DOCK11: variants seen among roughly 807,000 people sequenced by gnomAD.
The protein encoded by DOCK11 is dedicator of cytokinesis 11.
DOCK11 carries 70 observed loss-of-function variants against 169.1 expected under a neutral mutation model. The observed-to-expected ratio is 0.41, with a 90% CI of 0.34 to 0.51. The LOEUF (loss-of-function observed/expected upper bound fraction) is 0.51, where lower values mean the gene tolerates loss of function less well. DOCK11 is among the 20% of genes least tolerant of loss of function. The probability of loss-of-function intolerance (pLI) is 0.10; values close to 1 mark genes in which losing one functional copy is unlikely to be tolerated. For synonymous variants in DOCK11, 529 were observed against 541.3 expected, an observed-to-expected ratio of 0.98 and a Z score of 0.32; for missense variants, 1,166 against 1,538.8, an observed-to-expected ratio of 0.76 and a Z score of 4.05.
chrX:118,538,213 G>A (rs1480101611), intron 1 of DOCK11, among the ~76,000 whole-genome samples: 1 of 111,960 alleles, frequency 8.9e-6, no homozygotes, highest in East Asian at 2.8e-4. Flanking sequence ...GAAACTAATA[G>A]AAACAAGGAT....
intron 35 of DOCK11, among the ~76,000 whole-genome samples, chrX:118,631,994 G>A (rs951787434): frequency 1.8e-5 from 2 of 111,087 alleles, no homozygotes; most frequent in African/African-American, 6.6e-5. Context: ...TCACTCTGTC[G>A]CCTAGGCTGG....
chrX:118,528,030 G>A (rs1367520668), intron 1 of DOCK11, among the ~76,000 whole-genome samples: 1 of 112,665 alleles, frequency 8.9e-6, no homozygotes, highest in African/African-American at 3.2e-5. Flanking sequence ...TCATTGTGGA[G>A]GCATCTGATT....
chrX:118,545,906 G>A, intron 5 of DOCK11, 115 bp from the exon 6 acceptor site: 2 of 492,674 alleles, frequency 4.1e-6, no homozygotes, highest in Admixed American at 3.3e-5. Flanking sequence ...GGGGAAGAGG[G>A]GACTTTATGT....
chrX:118,552,624 A>G (rs1360891132), intron 6 of DOCK11, among the ~76,000 whole-genome samples: 1 of 112,490 alleles, frequency 8.9e-6, no homozygotes, highest in Non-Finnish European at 1.9e-5. Flanking sequence ...GGACTACAGG[A>G]AAGCTGCGAA....
chrX:118,607,213 T>C (rs1361636304), intron 24 of DOCK11, among the ~76,000 whole-genome samples: 2 of 97,243 alleles, frequency 2.1e-5, no homozygotes, highest in African/African-American at 3.9e-5. Context: ...CCTCCTGGGG[T>C]TCAAGCAATT....
intron 14 of DOCK11, among the ~76,000 whole-genome samples, chrX:118,581,805 T>TAA (rs35095116): frequency 0.07 from 897 of 12,743 alleles, 185 homozygotes; most frequent in Non-Finnish European, 0.077. Context: ...CTCCGTCTCC[T>TAA]AAAAAAAAAA....
intron 34 of DOCK11, 120 bp downstream of exon 34, chrX:118,628,392 C>G: frequency 2.3e-6 from 1 of 429,902 alleles, no homozygotes; most frequent in Admixed American, 4.0e-5. Context: ...CGAAAAGCAT[C>G]CCATAATTCT....
chrX:118,561,216 T>C (rs188302413), intron 6 of DOCK11, among the ~76,000 whole-genome samples, 167 bp from the exon 7 acceptor site: 107 of 112,175 alleles, frequency 9.5e-4, no homozygotes, highest in Admixed American at 3.7e-3. Flanking sequence ...TCATTCACTA[T>C]CTTAGAAAAA....
chrX:118,614,986 T>C (rs1291680537), intron 29 of DOCK11, among the ~76,000 whole-genome samples: 3 of 112,095 alleles, frequency 2.7e-5, no homozygotes, highest in Admixed American at 9.5e-5. Flanking sequence ...ATTCACAGAC[T>C]CAACATATAG....
chrX:118,663,011 C>A (rs907318640), intron 45 of DOCK11, among the ~76,000 whole-genome samples: 2 of 112,123 alleles, frequency 1.8e-5, no homozygotes, highest in Non-Finnish European at 3.8e-5. Flanking sequence ...CATTTGCCGT[C>A]CTCAAGTCAC....
chrX:118,597,849 G>C (rs762501429), intron 21 of DOCK11, among the ~76,000 whole-genome samples, 181 bp from the exon 22 acceptor site: 1 of 111,656 alleles, frequency 9.0e-6, no homozygotes, highest in African/African-American at 3.3e-5. Flanking sequence ...GTCTGCAAAG[G>C]ATTGGAAATG....
intron 1 of DOCK11, among the ~76,000 whole-genome samples, chrX:118,506,117 G>C (rs920837187): frequency 9.0e-6 from 1 of 110,852 alleles, no homozygotes; most frequent in Non-Finnish European, 1.9e-5. Context: ...TGAGCCAGGC[G>C]TGGTGGCACA....
rs1157804079 is a variant in DOCK11, at chrX:118,544,645, C to CTTTTTTTTTTT, written c.393-656_393-646dup. Among the ~76,000 whole-genome samples the CTTTTTTTTTTT allele has an allele frequency of 4.5e-3, 106 of 23,367 alleles. 23 individuals carry two copies. Among genetic ancestry groups the CTTTTTTTTTTT allele is most frequent in the Middle Eastern group, 0.038 (1 of 26 alleles). The allele number at this position is 23,367 out of a possible 115,157, so 20.3% of individuals were successfully genotyped here. On this transcript the variant is annotated intron_variant, in intron 4 of 52. Transcript: ENST00000276202. The stretch of plus-strand genomic sequence containing the variant: ...TGCAAGAGCCAGAATTACACTGTTG[C>CTTTTTTTTTTT]TTTTTTTTTTTTTTTTTTTTTTTTT...
rs183178189 is a variant in DOCK11 at position 118,610,558 on chromosome X, G to C, written c.3096+140G>C. ...AAACTTAGGTTGCTTACAAACGTTG[G>C]CTATTGTGAACAGTGCTGCAACAAA... On this transcript the variant is annotated intron_variant, in intron 28 of 52. Coordinates refer to ENST00000276202, the MANE Select transcript of DOCK11 (RefSeq NM_144658.4). 5.3e-4 allele frequency: 336 copies of C among 639,765 alleles called. 2 individuals carry two copies. The East Asian group carries it at 8.6e-3, about 16-fold the overall frequency. 52.7% of individuals were successfully genotyped at this position (639,765 alleles called of 1,213,427 possible).
At position 118,568,171 on chromosome X, in the gene DOCK11, G is replaced by T; in HGVS notation, c.1035+9G>T. ...TTGATTCAGAAGTTCAGGTATTAATGATACATTTCTTTAATAGTCCTAGAA... is the reference window on the plus strand; with the variant it reads ...TTGATTCAGAAGTTCAGGTATTAATTATACATTTCTTTAATAGTCCTAGAA... On this transcript the variant is annotated intron_variant, in intron 10 of 52. Transcript: ENST00000276202. The T allele has an allele frequency of 9.5e-7, 1 of 1,052,468 alleles. No individual in the cohort carries two copies. Among genetic ancestry groups the T allele is most frequent in the Non-Finnish European group, 1.3e-6 (1 of 779,191 alleles). The allele number at this position is 1,052,468 out of a possible 1,213,427, so 86.7% of individuals were successfully genotyped here. A position where few individuals can be genotyped will look rare whatever the true frequency, so the allele number is the denominator to read the frequency against.
intron 12 of DOCK11, 70 bp downstream of exon 12, chrX:118,574,088 T>C: frequency 9.7e-7 from 1 of 1,027,970 alleles, no homozygotes; most frequent in Non-Finnish European, 1.3e-6. Flanking sequence ...TATTATTTCA[T>C]GGTTTCAGGC....
intron 42 of DOCK11, among the ~76,000 whole-genome samples, chrX:118,653,447 T>A (rs374387110): frequency 1.8e-5 from 2 of 111,341 alleles, no homozygotes; most frequent in African/African-American, 6.5e-5. Context: ...AGTTTCACTC[T>A]TGTTGCCCAG....
intron 1 of DOCK11, among the ~76,000 whole-genome samples, chrX:118,499,360 G>A (rs2057558440): frequency 9.0e-6 from 1 of 111,168 alleles, no homozygotes. Flanking sequence ...CAAAAGATCG[G>A]GAAAGAGTTG....
intron 1 of DOCK11, among the ~76,000 whole-genome samples, chrX:118,516,788 A>C (rs758681813): frequency 8.9e-6 from 1 of 111,999 alleles, no homozygotes; most frequent in Non-Finnish European, 1.9e-5. Flanking sequence ...AATGGCATGC[A>C]AAGTATGATC....
Sources: allele counts gnomAD v4.1 joint callset (sites outside exome capture counted in the v4.1 genomes callset), GRCh38; gene constraint gnomAD v4.1.1; transcripts MANE v1.5; gene names NCBI Gene and HGNC (gene_info 2026-07-23, HGNC 2026-07-21).